Variants in PPP3CA observed in about 807,000 individuals in gnomAD.
PPP3CA encodes CAM-PRP catalytic subunit.
PPP3CA carries 14 observed loss-of-function variants against 66.5 expected under a neutral mutation model. The observed-to-expected ratio is 0.21, with a 90% CI of 0.14 to 0.33. PPP3CA has a LOEUF of 0.33. PPP3CA is among the 10% of genes least tolerant of loss of function. The probability of loss-of-function intolerance (pLI) is 1.00; values close to 1 mark genes in which losing one functional copy is unlikely to be tolerated. For missense variants in PPP3CA, 317 were observed against 639.5 expected, an observed-to-expected ratio of 0.50 and a Z score of 5.44; for synonymous variants, 232 against 226.2, an observed-to-expected ratio of 1.03 and a Z score of -0.23.
At chr4:101,293,952 G>A (rs943312316) in intron 1 of PPP3CA, among the ~76,000 whole-genome samples, 2 of 152,218 alleles carry the variant, frequency 1.3e-5, no homozygotes, top group African/African-American at 2.4e-5. Context: ...ACAGCCAGGA[G>A]GCATTATGTA....
At chr4:101,289,058 G>T (rs1727936656) in intron 1 of PPP3CA, among the ~76,000 whole-genome samples, 1 of 151,058 alleles carries the variant, frequency 6.6e-6, no homozygotes, top group South Asian at 2.1e-4. Flanking sequence ...TTAAAAAAAA[G>T]AAAAATGACA....
At chr4:101,177,832 A>AC (rs1724111408) in intron 2 of PPP3CA, among the ~76,000 whole-genome samples, 1 of 105,594 alleles carries the variant, frequency 9.5e-6, no homozygotes, top group Non-Finnish European at 1.8e-5. Flanking sequence ...AATTAAGCAC[A>AC]AAAAAAAAAC....
intron 1 of PPP3CA, among the ~76,000 whole-genome samples, chr4:101,230,731 A>C (rs1383618550): frequency 2.0e-5 from 3 of 151,578 alleles, no homozygotes; most frequent in Non-Finnish European, 4.4e-5. Context: ...GTAAAGTCTA[A>C]ATTACATATT....
chr4:101,197,274 T>C (rs1426666473), intron 1 of PPP3CA, among the ~76,000 whole-genome samples: 5 of 152,160 alleles, frequency 3.3e-5, no homozygotes, highest in Admixed American at 2.6e-4. Flanking sequence ...TGCCAAAAAA[T>C]TGTGTTAATC....
intron 1 of PPP3CA, among the ~76,000 whole-genome samples, chr4:101,288,303 T>A (rs1341765359): frequency 6.6e-6 from 1 of 152,178 alleles, no homozygotes; most frequent in Admixed American, 6.5e-5. Flanking sequence ...AGGACATTAA[T>A]CTACTTTTGT....
intron 1 of PPP3CA, among the ~76,000 whole-genome samples, chr4:101,323,102 T>C (rs1729092779): frequency 6.6e-6 from 1 of 152,170 alleles, no homozygotes; most frequent in Admixed American, 6.5e-5. Flanking sequence ...TGCACTGGGC[T>C]AACATGTAGT....
intron 1 of PPP3CA, among the ~76,000 whole-genome samples, chr4:101,219,352 A>C (rs1026869231): frequency 6.6e-6 from 1 of 152,028 alleles, no homozygotes; most frequent in Non-Finnish European, 1.5e-5. Flanking sequence ...GTACAATTAA[A>C]AGTAAAGCTC....
chr4:101,026,314 CCT>C (rs1367727003), intron 13 of PPP3CA, among the ~76,000 whole-genome samples: 6 of 152,174 alleles, frequency 3.9e-5, no homozygotes, highest in Non-Finnish European at 5.9e-5. Flanking sequence ...AAGCATTTCT[CCT>C]GTCTTCATGA....
At chr4:101,094,169 C>T (rs112903627) in intron 5 of PPP3CA, among the ~76,000 whole-genome samples, 3,542 of 152,068 alleles carry the variant, frequency 0.023, 63 homozygotes, top group Middle Eastern at 0.088. Flanking sequence ...AACCCTTTAC[C>T]TTCCTCTTGC....
chr4:101,250,470 T>G lies in PPP3CA; in HGVS notation c.59-54354A>C, dbSNP rs758834533. The G allele has an allele frequency of 2.1e-5, 8 of 385,762 alleles. No homozygotes were observed. The East Asian group carries it at 6.8e-4, about 33-fold the overall frequency. The allele number at this position is 385,762 out of a possible 1,614,324, so 23.9% of individuals were successfully genotyped here. ...TTACATAGAAAGGATGGTAAACTTATGTGAAGCTCTGTCCTTATCAAAGAA... is the reference window on the plus strand; with the variant it reads ...TTACATAGAAAGGATGGTAAACTTAGGTGAAGCTCTGTCCTTATCAAAGAA... On this transcript the variant is annotated intron_variant, in intron 1 of 13. Transcript: ENST00000394854.
intron 1 of PPP3CA, among the ~76,000 whole-genome samples, chr4:101,310,997 T>C (rs1728703424): frequency 6.6e-6 from 1 of 152,192 alleles, no homozygotes. Context: ...ATAAGCTTTA[T>C]GGAAGGAGAC....
At chr4:101,210,267 C>T (rs976695380) in intron 1 of PPP3CA, among the ~76,000 whole-genome samples, 6 of 152,134 alleles carry the variant, frequency 3.9e-5, no homozygotes, top group African/African-American at 4.8e-5. Context: ...CTCTATGGTC[C>T]GGCTATAATC....
chr4:101,275,887 GTTTGTTT>G (rs1215988087), intron 1 of PPP3CA, among the ~76,000 whole-genome samples: 148 of 147,634 alleles, frequency 1.0e-3, no homozygotes, highest in African/African-American at 3.6e-3. Flanking sequence ...TTGTTTGTTT[GTTTGTTT>G]TTTGTTTTTT....
chr4:101,046,823 G>A (rs1578401054), intron 10 of PPP3CA, among the ~76,000 whole-genome samples: 1 of 152,166 alleles, frequency 6.6e-6, no homozygotes, highest in South Asian at 2.1e-4. Flanking sequence ...GAAGCATAAG[G>A]TATTGAGATA....
intron 2 of PPP3CA, among the ~76,000 whole-genome samples, chr4:101,157,589 A>C (rs1165527966): frequency 6.6e-6 from 1 of 152,194 alleles, no homozygotes; most frequent in African/African-American, 2.4e-5. Context: ...AAGGAAAATG[A>C]GACTGGTGTC....
chr4:101,179,668 T>G (rs1724174227), intron 2 of PPP3CA, among the ~76,000 whole-genome samples: 1 of 152,196 alleles, frequency 6.6e-6, no homozygotes, highest in African/African-American at 2.4e-5. Flanking sequence ...TGGACAATAC[T>G]GAATGAATAT....
intron 1 of PPP3CA, among the ~76,000 whole-genome samples, chr4:101,251,909 A>G (rs1158742462): frequency 6.6e-6 from 1 of 152,148 alleles, no homozygotes; most frequent in Non-Finnish European, 1.5e-5. Flanking sequence ...TGAGAACCAC[A>G]GGACAGAAAT....
At chr4:101,048,962 A>G (rs1727894054) in intron 10 of PPP3CA, among the ~76,000 whole-genome samples, 2 of 152,064 alleles carry the variant, frequency 1.3e-5, no homozygotes, top group Admixed American at 1.3e-4. Context: ...ACGGATTTTA[A>G]GTGTTCAATG....
chr4:101,114,174 C>A (rs1404317802), intron 2 of PPP3CA, among the ~76,000 whole-genome samples: 1 of 152,102 alleles, frequency 6.6e-6, no homozygotes, highest in Non-Finnish European at 1.5e-5. Context: ...ATGAAAATAT[C>A]CATTCATCTG....
Sources: allele counts gnomAD v4.1 joint callset (sites outside exome capture counted in the v4.1 genomes callset), GRCh38; gene constraint gnomAD v4.1.1; transcripts MANE v1.5; gene names NCBI Gene and HGNC (gene_info 2026-07-23, HGNC 2026-07-21).